NEK6: variants seen among roughly 807,000 people sequenced by gnomAD.
The protein encoded by NEK6 is serine/threonine-protein kinase Nek6.
In NEK6, 27 loss-of-function variants were observed where a neutral mutation model predicts 43.5. That is an observed-to-expected ratio of 0.62 (90% CI 0.46 to 0.86). The LOEUF is 0.86. NEK6 is among the 40% of genes least tolerant of loss of function. The probability of loss-of-function intolerance (pLI) is 0.00; values close to 1 mark genes in which losing one functional copy is unlikely to be tolerated. For synonymous variants in NEK6, 167 were observed against 164.1 expected, an observed-to-expected ratio of 1.02 and a Z score of -0.14; for missense variants, 318 against 414.4, an observed-to-expected ratio of 0.77 and a Z score of 2.02.
At chr9:124,309,153 G>T (rs578152171) in intron 2 of NEK6, among the ~76,000 whole-genome samples, 1 of 152,318 alleles carries the variant, frequency 6.6e-6, no homozygotes, top group South Asian at 2.1e-4. Context: ...CCCTGGGAGT[G>T]CAGTGGTGCC....
intron 1 of NEK6, chr9:124,265,563 T>A (rs918268774): frequency 6.6e-6 from 1 of 150,788 alleles, no homozygotes; most frequent in Non-Finnish European, 1.5e-5. Flanking sequence ...AAAAAAAAAA[T>A]ACCTCTCCTT....
rs1554858710 is a variant in NEK6 at position 124,350,996 on chromosome 9, T to G, written c.*49T>G. 1.5e-6 allele frequency: 2 copies of G among 1,366,026 alleles called. No homozygotes were observed. Among genetic ancestry groups the G allele is most frequent in the Non-Finnish European group, 2.1e-6 (2 of 969,622 alleles). 84.6% of individuals were successfully genotyped at this position (1,366,026 alleles called of 1,614,324 possible). Reference sequence around the variant, plus strand: ...AAAGCCAGCACCACTTTGCCTTACTTGAGTCGTCTTCTCTTCGAGTGGCCA... The same window carrying G: ...AAAGCCAGCACCACTTTGCCTTACTGGAGTCGTCTTCTCTTCGAGTGGCCA... On this transcript the variant is annotated 3_prime_UTR_variant, in exon 10 of 10. Transcript: ENST00000320246.
At chr9:124,313,715 T>C (rs1833664630) in intron 3 of NEK6, among the ~76,000 whole-genome samples, 1 of 151,788 alleles carries the variant, frequency 6.6e-6, no homozygotes. Context: ...CTTGGTTCTT[T>C]AGTGCCACGA....
chr9:124,271,546 G>C (rs1443344400), intron 1 of NEK6, among the ~76,000 whole-genome samples: 2 of 152,250 alleles, frequency 1.3e-5, no homozygotes, highest in Admixed American at 1.3e-4. Context: ...AGCTGATCCT[G>C]TTTTTCAGAT....
At chr9:124,273,811 T>TTTG (rs1234006678) in intron 1 of NEK6, among the ~76,000 whole-genome samples, 8 of 152,126 alleles carry the variant, frequency 5.3e-5, no homozygotes, top group African/African-American at 1.7e-4. Flanking sequence ...TACGGGTTTT[T>TTTG]TTGTTGTTGT....
chr9:124,265,100 G>A (rs1831179055), intron 1 of NEK6, among the ~76,000 whole-genome samples: 1 of 152,224 alleles, frequency 6.6e-6, no homozygotes, highest in South Asian at 2.1e-4. Flanking sequence ...AGGGACATGG[G>A]TTTTTATTGG....
At chr9:124,264,945 G>T (rs1027968408) in intron 1 of NEK6, among the ~76,000 whole-genome samples, 3 of 152,152 alleles carry the variant, frequency 2.0e-5, no homozygotes, top group Non-Finnish European at 4.4e-5. Context: ...CCACCTGCCT[G>T]TTGCCTGTTT....
At chr9:124,258,184 G>A (rs1421388156) in intron 1 of NEK6, 99 bp downstream of exon 1, 1 of 975,782 alleles carries the variant, frequency 1.0e-6, no homozygotes, top group Non-Finnish European at 1.2e-6. Flanking sequence ...CGGGCCGAGG[G>A]CGGGCGCGCG....
chr9:124,324,483 G>C lies in NEK6; in HGVS notation c.406-1847G>C, dbSNP rs1834233513. Among the ~76,000 whole-genome samples the C allele has an allele frequency of 6.6e-6, 1 of 152,202 alleles. No homozygotes were observed. The highest frequency in any genetic ancestry group is 2.4e-5 in the African/African-American group (1 of 41,446). ...AGCCCCAGAACCCACCAGAGACTCT[G>C]CGCCTCCCCGCTAAATGTCAGACAG... On this transcript the variant is annotated intron_variant, in intron 5 of 9. Transcript: ENST00000320246. This position sits in a 1 kb window ranked among gnomAD's most constrained non-coding sequence, Gnocchi z 5.3.
chr9:124,321,317 C>G (rs1222822942), intron 4 of NEK6, 142 bp from the exon 5 acceptor site: 1 of 607,730 alleles, frequency 1.6e-6, no homozygotes, highest in Non-Finnish European at 3.0e-6. Flanking sequence ...CCAGCACAGG[C>G]CTTTCTTTCC....
rs185395524 is a variant in NEK6, at chr9:124,297,124, G to C, written c.-29-4812G>C. Among the ~76,000 whole-genome samples the C allele has an allele frequency of 2.1e-3, 323 of 152,336 alleles. 1 individual carries two copies. The highest frequency in any genetic ancestry group is 3.2e-3 in the Admixed American group (49 of 15,300). ...AAGAGGCCATGCTGCGTAGGACATA[G>C]AGCAGCAATCTTGGGTCCAACAGCC... On this transcript the variant is annotated intron_variant, in intron 1 of 9. Coordinates refer to ENST00000320246, the MANE Select transcript of NEK6 (RefSeq NM_014397.6).
chr9:124,319,464 C>T (rs1214293071), intron 4 of NEK6, among the ~76,000 whole-genome samples: 1 of 152,194 alleles, frequency 6.6e-6, no homozygotes, highest in African/African-American at 2.4e-5. Flanking sequence ...TTAATTATGT[C>T]CCACTTGTCA....
In NEK6 at chr9:124,258,013, G is replaced by C; in HGVS notation, c.-102G>C. The C allele has an allele frequency of 1.0e-6, 1 of 979,134 alleles. No homozygotes were observed. The allele number at this position is 979,134 out of a possible 1,614,324, so 60.7% of individuals were successfully genotyped here. ...GGCCGCTGCGCCGCAAACTCGTGTG[G>C]GACGCACCGCTCCAGCCGCCCGCGG... On this transcript the variant is annotated 5_prime_UTR_variant, in exon 1 of 10. Coordinates refer to ENST00000320246, the MANE Select transcript of NEK6 (RefSeq NM_014397.6).
At chr9:124,309,486 G>A (rs1329183371) in intron 2 of NEK6, among the ~76,000 whole-genome samples, 2 of 152,156 alleles carry the variant, frequency 1.3e-5, no homozygotes, top group African/African-American at 2.4e-5. Flanking sequence ...ACCCTTCACT[G>A]TGCCTGGGGG....
intron 1 of NEK6, among the ~76,000 whole-genome samples, chr9:124,288,400 A>T (rs1220810183): frequency 1.3e-5 from 2 of 152,130 alleles, no homozygotes; most frequent in Non-Finnish European, 2.9e-5. Context: ...TTCAGTGCTC[A>T]GCCTCCTGAG....
At chr9:124,344,081 T>A (rs557258481) in intron 8 of NEK6, among the ~76,000 whole-genome samples, 1 of 152,206 alleles carries the variant, frequency 6.6e-6, no homozygotes, top group East Asian at 1.9e-4. Context: ...CCACCCGCGG[T>A]CCTCGGTCCC....
chr9:124,285,736 G>A (rs1318219952), intron 1 of NEK6, among the ~76,000 whole-genome samples: 1 of 152,142 alleles, frequency 6.6e-6, no homozygotes, highest in African/African-American at 2.4e-5. Context: ...GCAGGCAGGA[G>A]GGCCGGGCCA....
chr9:124,346,883 C>G (rs962474030), intron 8 of NEK6, among the ~76,000 whole-genome samples: 4 of 152,344 alleles, frequency 2.6e-5, no homozygotes, highest in African/African-American at 9.6e-5. Context: ...CAGGCCTCAC[C>G]TCATCAAAGG....
Position 124,343,255 on chromosome 9 carries a change from CG to C in NEK6, c.717+3596del. Among the ~76,000 whole-genome samples, 1 of 25,048 alleles carries C rather than the reference CG, an allele frequency of 4.0e-5. No homozygotes were observed. The highest frequency in any genetic ancestry group is 1.2e-3 in the South Asian group (1 of 848). The allele number at this position is 25,048 out of a possible 152,430, so 16.4% of individuals were successfully genotyped here. A position where few individuals can be genotyped will look rare whatever the true frequency, so the allele number is the denominator to read the frequency against. On this transcript the variant is annotated intron_variant, in intron 8 of 9. Coordinates refer to ENST00000320246, the MANE Select transcript of NEK6 (RefSeq NM_014397.6). This position sits in a 1 kb window ranked among gnomAD's most constrained non-coding sequence, Gnocchi z 5.1. ...GGGCGGTGAGGGGACGGATCGCAGC[CG>C]GGGGGTGGTACGGGGGATGGATCGC... is the stretch of plus-strand genomic sequence containing the variant.
Sources: gnomAD v4.1 joint callset for allele counts (sites outside exome capture counted in the v4.1 genomes callset) on GRCh38, gnomAD v4.1.1 for gene constraint, Gnocchi (gnomAD v3.1) non-coding constraint, MANE v1.5 for transcripts, NCBI Gene and HGNC (gene_info 2026-07-23, HGNC 2026-07-21) for gene names.